The following ERP27 variants were observed in gnomAD, a reference collection of about 807,000 sequenced individuals.
ERP27 encodes endoplasmic reticulum protein 27.
A neutral mutation model predicts 27.7 loss-of-function variants in ERP27; 23 were observed. The observed-to-expected ratio is 0.83, with a 90% confidence interval of 0.60 to 1.18. ERP27 has a LOEUF of 1.18. ERP27 is among the 50% of genes most tolerant of loss of function. The pLI, the probability that ERP27 is intolerant of heterozygous loss-of-function variation, is 0.00. For synonymous variants in ERP27, 159 were observed against 118.3 expected (o/e 1.34, Z -2.23); for missense variants, 363 against 327.9 (o/e 1.11, Z -0.83).
At chr12:14,937,645 A>G (rs1322992404) in intron 2 of ERP27, among the ~76,000 whole-genome samples, 1 of 152,172 alleles carries the variant, frequency 6.6e-6, no homozygotes, top group African/African-American at 2.4e-5. Flanking sequence ...GTTTAGGACA[A>G]TGGTGGGGTT....
intron 6 of ERP27, 67 bp from the exon 7 acceptor site, chr12:14,914,849 A>T: frequency 7.9e-7 from 1 of 1,263,508 alleles, no homozygotes; most frequent in Non-Finnish European, 1.1e-6. Flanking sequence ...GAAGTCCTAA[A>T]TCCTTCTTTA....
Position 14,917,134 on chromosome 12 carries a change from C to T in ERP27, c.576+44G>A, listed in dbSNP as rs370173477. 3.1e-6 allele frequency: 5 copies of T among 1,612,004 alleles called. No homozygotes were observed. The South Asian group carries it at 5.5e-5, about 18-fold the overall frequency. ...AGCCCCATCTCCCTTTTCCTAGTGT[C>T]CTGGAGGTGTGTATGCAATAGGATA... On this transcript the variant is annotated intron_variant, in intron 5 of 6. Transcript: ENST00000266397.
intron 2 of ERP27, 95 bp from the exon 3 acceptor site, chr12:14,935,088 A>G: frequency 6.6e-7 from 1 of 1,511,900 alleles, no homozygotes; most frequent in South Asian, 1.3e-5. Context: ...TTTACCAGAA[A>G]TCATAGATTT....
intron 3 of ERP27, among the ~76,000 whole-genome samples, chr12:14,925,739 A>G (rs766436210): frequency 6.6e-6 from 1 of 152,002 alleles, no homozygotes; most frequent in African/African-American, 2.4e-5. Context: ...GAAATTTTCT[A>G]TATCTTTCTT....
chr12:14,924,470 G>A (rs1022172996), intron 3 of ERP27, among the ~76,000 whole-genome samples: 1 of 152,062 alleles, frequency 6.6e-6, no homozygotes, highest in Admixed American at 6.5e-5. Context: ...TTTCCATAAT[G>A]GCTATACTAA....
In ERP27 at chr12:14,919,307, C is replaced by T. The variant is rs1863462676; in HGVS notation, c.450+1625G>A. Among the ~76,000 whole-genome samples the T allele has an allele frequency of 2.6e-5, 4 of 152,184 alleles. No homozygotes were observed. The South Asian group carries it at 6.2e-4, about 24-fold the overall frequency. On this transcript the variant is annotated intron_variant, in intron 4 of 6. Transcript: ENST00000266397. ...ATCTGCCTTCACTAATAATATGGAACTTAAAAAAGATACGTCATTGCTCTG... is the reference window on the plus strand; with the variant it reads ...ATCTGCCTTCACTAATAATATGGAATTTAAAAAAGATACGTCATTGCTCTG...
At chr12:14,923,925 G>A (rs1374285776) in intron 3 of ERP27, among the ~76,000 whole-genome samples, 1 of 152,088 alleles carries the variant, frequency 6.6e-6, no homozygotes, top group Non-Finnish European at 1.5e-5. Context: ...TCACCCTACT[G>A]TGCAATAGAA....
Position 14,917,257 on chromosome 12 carries a change from A to C in ERP27, c.497T>G (p.Leu166Arg). 1 of 1,614,154 alleles carries C rather than the reference A, an allele frequency of 6.2e-7. No homozygotes were observed. The highest frequency in any genetic ancestry group is 1.1e-5 in the South Asian group (1 of 91,082). ...CTCTGGGGAGGCCTTGTTCATTATC[A>C]GGAGGAGATGAATCTGAATTACGCT... is the stretch of plus-strand genomic sequence containing the variant. ...FNSVIQIHLL[L>R]IMNKASPEYE... is the part of the protein sequence containing the mutation. The change falls in exon 5 of 7, where the codon CTG (leucine) becomes CGG (arginine). Residue 166 changes from leucine (L) to arginine (R), a missense_variant. Physicochemically the swap from Leu to Arg is moderately radical, Grantham distance 102. Coordinates refer to ENST00000266397, the MANE Select transcript of ERP27 (RefSeq NM_152321.4).
intron 2 of ERP27, 110 bp downstream of exon 2, chr12:14,937,842 T>C (rs1197521633): frequency 8.5e-6 from 7 of 828,044 alleles, no homozygotes; most frequent in Admixed American, 2.2e-5. Context: ...GCTGTCTCCC[T>C]TTACCCCCAC....
rs1054864976 is a variant in ERP27 at position 14,937,212 on chromosome 12, G to T, written c.195+740C>A. Among the ~76,000 whole-genome samples the T allele has an allele frequency of 3.3e-5, 5 of 152,136 alleles. No homozygotes were observed. In the South Asian group the frequency reaches 1.0e-3, roughly 32 times the overall value. On this transcript the variant is annotated intron_variant, in intron 2 of 6. Coordinates refer to ENST00000266397, the MANE Select transcript of ERP27 (RefSeq NM_152321.4). ...ATTGCAGTGATTTCCAACTGTGTAC[G>T]CAGAACTGACAGGGTAATCAGGAGT...
chr12:14,937,744 A>C (rs990708326), intron 2 of ERP27, among the ~76,000 whole-genome samples: 5 of 152,212 alleles, frequency 3.3e-5, no homozygotes, highest in African/African-American at 1.2e-4. Context: ...AGAACTCTTG[A>C]AGTAAGTATG....
rs1341282950 is a variant in ERP27, at chr12:14,920,936, G to A, written c.446C>T (p.Pro149Leu). 3.7e-6 allele frequency: 6 copies of A among 1,612,516 alleles called. No individual in the cohort carries two copies. The highest frequency in any genetic ancestry group is 5.1e-6 in the Non-Finnish European group (6 of 1,178,678). The change falls in exon 4 of 7, where the codon CCT becomes CTT. Residue 149 changes from proline (P) to leucine (L), a missense_variant. Physicochemically the swap from Pro to Leu is moderately conservative, Grantham distance 98 (BLOSUM62 -3). Transcript: ENST00000266397. ...AGAACAGGAAGTATTGTTTACCACA[G>A]GGTTGTACTCTGTCACCATGTGGAG... ...NSLHMVTEYNPVTVIGLFNSV... is the reference protein window; with the variant it reads ...NSLHMVTEYNLVTVIGLFNSV...
chr12:14,937,461 C>G (rs530412147), intron 2 of ERP27, among the ~76,000 whole-genome samples: 73 of 152,250 alleles, frequency 4.8e-4, no homozygotes, highest in African/African-American at 1.7e-3. Context: ...TCAGACAAGG[C>G]AAAGAGAAAG....
chr12:14,924,015 CTCTTCCA>C (rs1218029989), intron 3 of ERP27, among the ~76,000 whole-genome samples: 4 of 152,152 alleles, frequency 2.6e-5, no homozygotes, highest in Non-Finnish European at 5.9e-5. Flanking sequence ...TCCCTCTTCC[CTCTTCCA>C]TCACCACTTC....
At position 14,937,952 on chromosome 12, in the gene ERP27, C is replaced by A. The variant is rs748257063; in HGVS notation, c.195G>T (p.Gln65His). 6.2e-7 allele frequency: 1 copy of A among 1,613,570 alleles called. No homozygotes were observed. Among genetic ancestry groups the A allele is most frequent in the Admixed American group, 1.7e-5 (1 of 59,974 alleles). Residue 65 changes from glutamine (Q) to histidine (H), a missense_variant and splice_region_variant, in exon 2 of 7, where the codon CAG (glutamine) becomes CAT (histidine). Coordinates refer to ENST00000266397, the MANE Select transcript of ERP27 (RefSeq NM_152321.4). ...GGGGAATTGCAAGTAGGGAACTAAC[C>A]TGGAAGAAGCCTATGACAGCCACCT... ...ATEVAVIGFFQDLEIPAVPIL... is the reference protein window; with the variant it reads ...ATEVAVIGFFHDLEIPAVPIL...
At chr12:14,934,730 C>A in intron 3 of ERP27, 126 bp downstream of exon 3, 1 of 1,189,186 alleles carries the variant, frequency 8.4e-7, no homozygotes, top group Non-Finnish European at 1.2e-6. Context: ...TCCTTGTCAA[C>A]AATGTCCCTG....
At chr12:14,937,335 T>C (rs561124235) in intron 2 of ERP27, among the ~76,000 whole-genome samples, 5 of 152,264 alleles carry the variant, frequency 3.3e-5, no homozygotes, top group African/African-American at 1.2e-4. Context: ...CAGAGAAAGA[T>C]GAAAATGCTG....
At chr12:14,937,898 C>T in intron 2 of ERP27, 54 bp downstream of exon 2, 2 of 1,492,598 alleles carry the variant, frequency 1.3e-6, no homozygotes, top group Non-Finnish European at 1.9e-6. Flanking sequence ...TGCTGTGGTT[C>T]CCTTAAGGTA....
chr12:14,929,834 C>A (rs995485220), intron 3 of ERP27, among the ~76,000 whole-genome samples: 4 of 152,078 alleles, frequency 2.6e-5, no homozygotes, highest in Non-Finnish European at 5.9e-5. Flanking sequence ...GTTTATGCCA[C>A]AGTTATAGTA....
Sources: allele counts gnomAD v4.1 joint callset (sites outside exome capture counted in the v4.1 genomes callset), GRCh38; gene constraint gnomAD v4.1.1; transcripts MANE v1.5; gene names NCBI Gene and HGNC (gene_info 2026-07-23, HGNC 2026-07-21).